Variants in RALGPS1 observed in about 807,000 individuals in gnomAD.
RALGPS1 encodes the protein ras-specific guanine nucleotide-releasing factor RalGPS1.
RALGPS1 carries 19 observed loss-of-function variants against 78.8 expected under a neutral mutation model. The ratio of observed to expected loss-of-function variants is 0.24; its 90% CI spans 0.17 to 0.35. The LOEUF is 0.35. Among genes scored for constraint, RALGPS1 ranks in the 10% least tolerant of loss-of-function variants. The probability of loss-of-function intolerance (pLI) is 1.00; values close to 1 mark genes in which losing one functional copy is unlikely to be tolerated. For synonymous variants in RALGPS1, 228 were observed against 256.3 expected (o/e 0.89, Z 1.06); for missense variants, 454 against 688.3 (o/e 0.66, Z 3.81).
At chr9:127,073,864 A>C (rs2050438985) in intron 8 of RALGPS1, among the ~76,000 whole-genome samples, 1 of 151,936 alleles carries the variant, frequency 6.6e-6, no homozygotes, top group Admixed American at 6.6e-5. Flanking sequence ...TATAGTTTAG[A>C]TTTTAATTTT....
intron 4 of RALGPS1, among the ~76,000 whole-genome samples, chr9:127,011,958 G>A (rs1270994987): frequency 1.3e-5 from 2 of 152,174 alleles, no homozygotes; most frequent in African/African-American, 2.4e-5. Context: ...GACATGCTCC[G>A]AAATTCATTA....
intron 8 of RALGPS1, chr9:127,108,526 A>T (rs756256509): frequency 1.9e-6 from 3 of 1,612,940 alleles, no homozygotes; most frequent in Admixed American, 1.7e-5. Context: ...GTTGACGCAG[A>T]TGGCACCCGT....
chr9:126,920,845 GAA>G (rs1391065451), intron 1 of RALGPS1, among the ~76,000 whole-genome samples: 3 of 152,324 alleles, frequency 2.0e-5, no homozygotes, highest in Admixed American at 2.0e-4. Flanking sequence ...CCATAACAGA[GAA>G]CCTCTCATGA....
rs62578945 is a variant in RALGPS1 at position 126,974,740 on chromosome 9, G to A, written c.166-2955G>A. 5.9e-3 allele frequency among the ~76,000 whole-genome samples: 892 copies of A among 152,216 alleles called. 5 individuals are homozygous for A. The highest frequency in any genetic ancestry group is 9.8e-3 in the South Asian group (47 of 4,812). ...AGAGACTTACGAGTGTTCTCGCTCA[G>A]CCCCACTACTGGCCGGATTTGCTGC... On this transcript the variant is annotated intron_variant, in intron 3 of 18. Transcript: ENST00000259351.
chr9:127,124,474 G>A (rs1486611640), intron 8 of RALGPS1, among the ~76,000 whole-genome samples: 1 of 152,190 alleles, frequency 6.6e-6, no homozygotes, highest in Non-Finnish European at 1.5e-5. Flanking sequence ...TCCTGTTGAG[G>A]CCCCACACAC....
chr9:126,926,133 C>T (rs1480118708), intron 1 of RALGPS1, among the ~76,000 whole-genome samples: 1 of 152,160 alleles, frequency 6.6e-6, no homozygotes, highest in South Asian at 2.1e-4. Context: ...AGCAGTTGGC[C>T]TTATTTTTAT....
intron 8 of RALGPS1, among the ~76,000 whole-genome samples, chr9:127,116,314 T>C (rs549129227): frequency 6.7e-6 from 1 of 149,794 alleles, no homozygotes; most frequent in Non-Finnish European, 1.5e-5. Flanking sequence ...CATGAGATCA[T>C]AGGGTAGAGG....
chr9:127,177,752 C>T, intron 11 of RALGPS1: 1 of 1,434,122 alleles, frequency 7.0e-7, no homozygotes. Context: ...GGAAAGGAGG[C>T]ACTGCATTTC....
chr9:127,134,300 C>T (rs1387760815), intron 8 of RALGPS1, among the ~76,000 whole-genome samples: 1 of 152,216 alleles, frequency 6.6e-6, no homozygotes, highest in Non-Finnish European at 1.5e-5. Context: ...TGGAGGACAT[C>T]ACCCATTCCA....
chr9:127,182,005 A>C (rs938599817), intron 11 of RALGPS1, among the ~76,000 whole-genome samples: 1 of 151,874 alleles, frequency 6.6e-6, no homozygotes, highest in Admixed American at 6.6e-5. Flanking sequence ...CATTCTGAAA[A>C]TATAAACGGG....
intron 4 of RALGPS1, among the ~76,000 whole-genome samples, chr9:127,004,590 G>A (rs1049643987): frequency 6.6e-6 from 1 of 152,186 alleles, no homozygotes; most frequent in African/African-American, 2.4e-5. Context: ...CTACTGTTAT[G>A]GTGTCTGGAA....
At chr9:127,124,532 C>T (rs142625328) in intron 8 of RALGPS1, among the ~76,000 whole-genome samples, 15 of 152,222 alleles carry the variant, frequency 9.9e-5, no homozygotes, top group African/African-American at 3.6e-4. Context: ...AAATTCCTGA[C>T]CCACAGGCCC....
At chr9:127,090,411 A>G (rs925409424) in intron 8 of RALGPS1, among the ~76,000 whole-genome samples, 2 of 152,192 alleles carry the variant, frequency 1.3e-5, no homozygotes, top group African/African-American at 4.8e-5. Flanking sequence ...CTGCTTCAGA[A>G]TGAGGGCCTG....
At chr9:127,009,576 A>T (rs1362973900) in intron 4 of RALGPS1, among the ~76,000 whole-genome samples, 1 of 152,218 alleles carries the variant, frequency 6.6e-6, no homozygotes, top group Non-Finnish European at 1.5e-5. Context: ...GAGATGAGTC[A>T]GTGGGTGAAA....
At chr9:127,129,455 A>AGGTTGTG (rs2056855746) in intron 8 of RALGPS1, among the ~76,000 whole-genome samples, 1 of 152,180 alleles carries the variant, frequency 6.6e-6, no homozygotes, top group African/African-American at 2.4e-5. Context: ...GGGGGATTCC[A>AGGTTGTG]ACCCCCTTAC....
chr9:127,006,081 A>G lies in RALGPS1; in HGVS notation c.216+28336A>G, dbSNP rs1369518328. Among the ~76,000 whole-genome samples, 3 of 152,240 alleles carry G rather than the reference A, an allele frequency of 2.0e-5. 1 individual carries two copies. Among genetic ancestry groups the G allele is most frequent in the Non-Finnish European group, 2.9e-5 (2 of 68,036 alleles). Reference sequence around the variant, plus strand: ...TACCTCAAAGTAATAATAGCCATCTATGACACATCCACAGTCAGCATCATA... The same window carrying G: ...TACCTCAAAGTAATAATAGCCATCTGTGACACATCCACAGTCAGCATCATA... On this transcript the variant is annotated intron_variant, in intron 4 of 18. Coordinates refer to ENST00000259351, the MANE Select transcript of RALGPS1 (RefSeq NM_014636.3).
chr9:127,178,051 G>C (rs2059983465), intron 11 of RALGPS1: 2 of 1,471,576 alleles, frequency 1.4e-6, no homozygotes, highest in Admixed American at 4.1e-5. Flanking sequence ...CAGGGTCCTG[G>C]GGAGGGTGGA....
At chr9:127,107,845 G>A (rs1179915905) in intron 8 of RALGPS1, 4 of 1,453,826 alleles carry the variant, frequency 2.8e-6, no homozygotes, top group Non-Finnish European at 3.7e-6. Context: ...CCCCATTTGT[G>A]GACACAGCCA....
chr9:127,095,539 C>T (rs1450217604), intron 8 of RALGPS1, among the ~76,000 whole-genome samples: 1 of 152,224 alleles, frequency 6.6e-6, no homozygotes, highest in Non-Finnish European at 1.5e-5. Context: ...TCTGCAGATG[C>T]GGTGCTGGGC....
Sources: gnomAD v4.1 joint callset for allele counts (sites outside exome capture counted in the v4.1 genomes callset) on GRCh38, gnomAD v4.1.1 for gene constraint, MANE v1.5 for transcripts, NCBI Gene and HGNC (gene_info 2026-07-23, HGNC 2026-07-21) for gene names.